The following RUVBL2 variants were observed in gnomAD, a reference collection of about 807,000 sequenced individuals.
RUVBL2 encodes ruvB-like 2.
Under a neutral mutation model 57.9 loss-of-function variants are expected in RUVBL2, and 9 were observed. The ratio of observed to expected loss-of-function variants is 0.16; its 90% confidence interval spans 0.09 to 0.27. The LOEUF is 0.27. Among genes scored for constraint, RUVBL2 ranks in the 10% least tolerant of loss-of-function variants. The pLI is 1.00. For missense variants in RUVBL2, 456 were observed against 669.6 expected (o/e 0.68, Z 3.52); for synonymous variants, 278 against 264.6 (o/e 1.05, Z -0.49).
chr19:49,003,397 A>G (rs2039221251), intron 3 of RUVBL2, 63 bp downstream of exon 3: 2 of 1,500,018 alleles, frequency 1.3e-6, no homozygotes, highest in Non-Finnish European at 1.9e-6. Flanking sequence ...GTGGGTACCC[A>G]GGGTCCTGGG....
intron 1 of RUVBL2, among the ~76,000 whole-genome samples, chr19:48,995,360 T>G (rs370384279): frequency 2.7e-5 from 4 of 150,392 alleles, no homozygotes; most frequent in African/African-American, 9.8e-5. Flanking sequence ...CCTAGTCTTC[T>G]GCTTGTAGTC....
At position 49,003,428 on chromosome 19, in the gene RUVBL2, G is replaced by A. The variant is rs190676167; in HGVS notation, c.123+94G>A. Reference sequence around the variant, plus strand: ...CTGGGGAGTGTGGGGACTATGTTACGGTCTTCTGGACCTTTGGCTACATAC... The same window carrying A: ...CTGGGGAGTGTGGGGACTATGTTACAGTCTTCTGGACCTTTGGCTACATAC... On this transcript the variant is annotated intron_variant, in intron 3 of 14. Transcript: ENST00000595090. The A allele has an allele frequency of 1.2e-3, 1,390 of 1,165,168 alleles. 4 individuals carry two copies. Among genetic ancestry groups the A allele is most frequent in the Non-Finnish European group, 1.6e-3 (1,274 of 793,736 alleles). 72.2% of individuals were successfully genotyped at this position (1,165,168 alleles called of 1,614,324 possible).
At chr19:48,998,763 C>T (rs1413900337) in intron 1 of RUVBL2, among the ~76,000 whole-genome samples, 1 of 151,124 alleles carries the variant, frequency 6.6e-6, no homozygotes, top group Non-Finnish European at 1.5e-5. Flanking sequence ...CACAGTGGCT[C>T]ACGCCCATAA....
chr19:49,010,706 CCTGCTCCACG>C, intron 9 of RUVBL2, 95 bp downstream of exon 9: 1 of 1,534,300 alleles, frequency 6.5e-7, no homozygotes, highest in South Asian at 1.2e-5. Context: ...GTGTGGCCCA[CCTGCTCCACG>C]CTGTTTCCTG....
rs2122618178 is a variant in RUVBL2 at position 49,006,958 on chromosome 19, G to A, written c.266-60G>A. On this transcript the variant is annotated intron_variant, in intron 4 of 14. Coordinates refer to ENST00000595090, the MANE Select transcript of RUVBL2 (RefSeq NM_006666.3). ...GGGAGAAAAGCTAGTTTGCCACAGAGCAGGTGTCGGGGACCTGGTGCCAGA... is the reference window on the plus strand; with the variant it reads ...GGGAGAAAAGCTAGTTTGCCACAGAACAGGTGTCGGGGACCTGGTGCCAGA... 1.9e-6 allele frequency: 3 copies of A among 1,593,946 alleles called. No homozygotes were observed. The South Asian group carries it at 3.3e-5, about 18-fold the overall frequency.
chr19:48,997,628 C>CAAAAAAA (rs34730869), intron 1 of RUVBL2, among the ~76,000 whole-genome samples: 1 of 108,730 alleles, frequency 9.2e-6, no homozygotes, highest in Non-Finnish European at 2.1e-5. Context: ...GACTATGTCT[C>CAAAAAAA]AAAAAAAAAA....
In RUVBL2 at chr19:49,005,856, G is replaced by A. The variant is rs148881673; in HGVS notation, c.266-1162G>A. 3.4e-3 allele frequency among the ~76,000 whole-genome samples: 517 copies of A among 152,258 alleles called. 2 individuals are homozygous for A. Among genetic ancestry groups the A allele is most frequent in the African/African-American group, 0.011 (477 of 41,558 alleles). ...TCACCATGTTGACCAGGCTGGTCCC[G>A]AACTCCTGACCTCAGGTGATCCACC... is the stretch of plus-strand genomic sequence containing the variant. On this transcript the variant is annotated intron_variant, in intron 4 of 14. Transcript: ENST00000595090.
chr19:49,006,735 C>T (rs1451223953), intron 4 of RUVBL2, among the ~76,000 whole-genome samples: 1 of 152,240 alleles, frequency 6.6e-6, no homozygotes, highest in Non-Finnish European at 1.5e-5. Flanking sequence ...TGAGGTGTGG[C>T]GAGGTTCTAG....
At chr19:49,001,139 C>T (rs2039170463) in intron 2 of RUVBL2, among the ~76,000 whole-genome samples, 1 of 149,964 alleles carries the variant, frequency 6.7e-6, no homozygotes, top group Non-Finnish European at 1.5e-5. Context: ...GTGAGACGCT[C>T]TCTCAAAAAA....
chr19:49,008,706 G>A (rs910035081), intron 6 of RUVBL2, among the ~76,000 whole-genome samples: 7 of 151,992 alleles, frequency 4.6e-5, no homozygotes, highest in South Asian at 4.2e-4. Flanking sequence ...GGCTGGGCGC[G>A]GTGGTTCATG....
chr19:48,998,251 CAG>C (rs927719908), intron 1 of RUVBL2, among the ~76,000 whole-genome samples: 1 of 152,192 alleles, frequency 6.6e-6, no homozygotes, highest in African/African-American at 2.4e-5. Context: ...AGTCTGGACT[CAG>C]GGGCCAGCAT....
upstream of RUVBL2, chr19:48,993,537 A>G (rs2038986303): frequency 6.7e-6 from 3 of 444,962 alleles, no homozygotes; most frequent in South Asian, 2.2e-5. Flanking sequence ...AGCTCTGTCA[A>G]TCTGGAGCTG....
chr19:48,993,507 T>C (rs2038984820), upstream of RUVBL2: 2 of 428,082 alleles, frequency 4.7e-6, no homozygotes, highest in South Asian at 2.2e-5. Context: ...CGCTGCGCTT[T>C]ACGGAAACGA....
Position 49,001,003 on chromosome 19 carries a change from A to T in RUVBL2, c.67+1630A>T, listed in dbSNP as rs7252920. On this transcript the variant is annotated intron_variant, in intron 2 of 14. Coordinates refer to ENST00000595090, the MANE Select transcript of RUVBL2 (RefSeq NM_006666.3). ...GTGATCCTGTCTCTAAAAAAAAAAT[A>T]AAAAAATTAGCCGGCAGTGGTGGTC... Among the ~76,000 whole-genome samples, 8 of 151,554 alleles carry T rather than the reference A, an allele frequency of 5.3e-5. No individual in the cohort carries two copies. The East Asian group carries it at 5.9e-4, about 11-fold the overall frequency.
chr19:49,008,689 A>G (rs2039335231), intron 6 of RUVBL2, among the ~76,000 whole-genome samples: 1 of 152,050 alleles, frequency 6.6e-6, no homozygotes, highest in Non-Finnish European at 1.5e-5. Flanking sequence ...TACTAAAAAT[A>G]CAAAATGGCT....
At chr19:49,003,011 T>C (rs1279819953) in intron 2 of RUVBL2, among the ~76,000 whole-genome samples, 2 of 152,344 alleles carry the variant, frequency 1.3e-5, no homozygotes, top group African/African-American at 2.4e-5. Context: ...TACAATTATG[T>C]GCTTAATCAG....
intron 13 of RUVBL2, 124 bp downstream of exon 13, chr19:49,015,274 C>A: frequency 7.3e-7 from 1 of 1,373,792 alleles, no homozygotes; most frequent in Non-Finnish European, 9.9e-7. Context: ...AATTTTCATC[C>A]CTCAGGTTGG....
At chr19:49,007,817 G>A (rs1242577638) in intron 6 of RUVBL2, among the ~76,000 whole-genome samples, 1 of 151,898 alleles carries the variant, frequency 6.6e-6, no homozygotes, top group Non-Finnish European at 1.5e-5. Flanking sequence ...TGATTCTTCT[G>A]CCTCAGCCTT....
chr19:49,015,193 G>A (rs1348908777), intron 13 of RUVBL2, 43 bp downstream of exon 13: 3 of 1,590,536 alleles, frequency 1.9e-6, no homozygotes, highest in Non-Finnish European at 2.6e-6. Context: ...TGGCGGCAGT[G>A]AGTGACACAG....
Sources: allele counts gnomAD v4.1 joint callset (sites outside exome capture counted in the v4.1 genomes callset), GRCh38; gene constraint gnomAD v4.1.1; transcripts MANE v1.5; gene names NCBI Gene and HGNC (gene_info 2026-07-23, HGNC 2026-07-21).